The following ARHGEF18 variants were observed in gnomAD, a reference collection of about 807,000 sequenced individuals.
ARHGEF18 encodes the protein rho guanine nucleotide exchange factor 18.
Under a neutral mutation model 155.7 loss-of-function variants are expected in ARHGEF18, and 93 were observed. The ratio of observed to expected loss-of-function variants is 0.60; its 90% CI spans 0.50 to 0.71. The LOEUF (loss-of-function observed/expected upper bound fraction) is 0.71. ARHGEF18 is among the 30% of genes least tolerant of loss of function. The pLI, the probability that ARHGEF18 is intolerant of heterozygous loss-of-function variation, is 0.00. For synonymous variants in ARHGEF18, 742 were observed against 753.1 expected (o/e 0.99, Z 0.24); for missense variants, 1,593 against 1,816.1 (o/e 0.88, Z 2.23).
At chr19:7,446,667 G>T (rs1975009305) in intron 14 of ARHGEF18, among the ~76,000 whole-genome samples, 1 of 151,988 alleles carries the variant, frequency 6.6e-6, no homozygotes, top group Non-Finnish European at 1.5e-5. Context: ...CTTGACCCCG[G>T]GAGGTGGAGG....
chr19:7,357,297 G>A (rs1600170515), intron 1 of ARHGEF18, among the ~76,000 whole-genome samples: 1 of 152,310 alleles, frequency 6.6e-6, no homozygotes, highest in South Asian at 2.1e-4. Context: ...GATTACCAAA[G>A]TGTCTGCCTG....
chr19:7,451,248 A>T lies in ARHGEF18; in HGVS notation c.1837A>T (p.Ile613Phe), dbSNP rs1359117774. Residue 613 changes from isoleucine (I) to phenylalanine (F), a missense_variant, in exon 16 of 29, where the codon ATC becomes TTC. Physicochemically the swap from Ile to Phe is conservative, Grantham distance 21. Coordinates refer to ENST00000668164, the MANE Select transcript of ARHGEF18 (RefSeq NM_001367823.1). ...ITKYPVLVERIIQNTEAGTED... is the reference protein window; with the variant it reads ...ITKYPVLVERFIQNTEAGTED... Reference sequence around the variant, plus strand: ...CAAATACCCAGTGCTGGTGGAGCGCATCATCCAGAACACGGAAGGTAGGCC... The same window carrying T: ...CAAATACCCAGTGCTGGTGGAGCGCTTCATCCAGAACACGGAAGGTAGGCC... 4 of 1,613,320 alleles carry T rather than the reference A, an allele frequency of 2.5e-6. No homozygotes were observed. The highest frequency in any genetic ancestry group is 3.4e-6 in the Non-Finnish European group (4 of 1,179,920).
rs61068862 is a variant in ARHGEF18 at position 7,353,590 on chromosome 19, CAA to C, written c.-111+4360_-111+4361del. On this transcript the variant is annotated intron_variant, in intron 1 of 28. Coordinates refer to ENST00000668164, the MANE Select transcript of ARHGEF18 (RefSeq NM_001367823.1). ...CAGCAACAAAAGTGAAACTCCATCTCAAAAAAAAAAAAGAAAAAGAAAAGAAA... is the reference window on the plus strand; with the variant it reads ...CAGCAACAAAAGTGAAACTCCATCTCAAAAAAAAAAGAAAAAGAAAAGAAA... 6.2e-3 allele frequency among the ~76,000 whole-genome samples: 642 copies of C among 104,162 alleles called. 30 individuals are homozygous for C. In the East Asian group the frequency reaches 0.12, roughly 20 times the overall value. 68.3% of individuals were successfully genotyped at this position (104,162 alleles called of 152,430 possible).
intron 10 of ARHGEF18, among the ~76,000 whole-genome samples, chr19:7,423,262 G>A (rs1568320792): frequency 6.6e-6 from 1 of 152,116 alleles, no homozygotes; most frequent in Non-Finnish European, 1.5e-5. Flanking sequence ...TTCGGGTTGG[G>A]TGTGAGGGAG....
At chr19:7,477,211 A>T, downstream of ARHGEF18, 1 of 1,501,436 alleles carries the variant, frequency 6.7e-7, no homozygotes, top group South Asian at 1.3e-5. Context: ...GTCAGGGGGT[A>T]GTGGCCTCGG....
At chr19:7,384,179 C>T (rs188153730) in intron 10 of ARHGEF18, among the ~76,000 whole-genome samples, 2 of 152,232 alleles carry the variant, frequency 1.3e-5, no homozygotes, top group African/African-American at 4.8e-5. Flanking sequence ...CATTTGGGGC[C>T]AGGTGATTCT....
In ARHGEF18 at chr19:7,466,941, C is replaced by A. The variant is rs1300192787; in HGVS notation, c.2928C>A (p.Ser976=). The A allele has an allele frequency of 6.2e-7, 1 of 1,613,498 alleles. No homozygotes were observed. Among genetic ancestry groups the A allele is most frequent in the Non-Finnish European group, 8.5e-7 (1 of 1,179,994 alleles). ...PQVVEAPGTE[S]DPRLPTVLES... is the part of the protein sequence containing the mutation. The stretch of plus-strand genomic sequence containing the variant: ...AGGTGGAGGCGCCAGGCACGGAATC[C>A]GATCCCCGTCTGCCCACCGTCCTGG... The change falls in exon 24 of 29, where the codon TCC becomes TCA. Residue 976 remains serine (S), a synonymous_variant. Transcript: ENST00000668164.
In ARHGEF18 at chr19:7,471,081, G is replaced by A. The variant is rs752156061; in HGVS notation, c.*783G>A. On this transcript the variant is annotated 3_prime_UTR_variant, in exon 29 of 29. Transcript: ENST00000668164. The surrounding 1 kb of genome is among the most constrained non-coding windows in gnomAD (Gnocchi z 4.4). The stretch of plus-strand genomic sequence containing the variant: ...CAAGGGCAACCGTTGCTGTTCACAC[G>A]CTCAGCCTGTCTGGGGGAGCGGGCC... 39 of 343,104 alleles carry A rather than the reference G, an allele frequency of 1.1e-4. No homozygotes were observed. The South Asian group carries it at 1.2e-3, about 11-fold the overall frequency. 21.3% of individuals were successfully genotyped at this position (343,104 alleles called of 1,614,324 possible).
chr19:7,369,267 G>A (rs1970087291), intron 2 of ARHGEF18, among the ~76,000 whole-genome samples: 1 of 152,014 alleles, frequency 6.6e-6, no homozygotes, highest in Non-Finnish European at 1.5e-5. Flanking sequence ...TTTGAGACCA[G>A]CCTGGGCAAC....
At chr19:7,430,662 G>A (rs1175884516) in intron 10 of ARHGEF18, among the ~76,000 whole-genome samples, 4 of 151,930 alleles carry the variant, frequency 2.6e-5, no homozygotes, top group Non-Finnish European at 4.4e-5. Flanking sequence ...AAAATTAGCT[G>A]GGCATGGTGG....
At chr19:7,380,271 G>T (rs1464484841) in intron 7 of ARHGEF18, among the ~76,000 whole-genome samples, 1 of 151,868 alleles carries the variant, frequency 6.6e-6, no homozygotes, top group African/African-American at 2.4e-5. Context: ...GAGGTCAGGA[G>T]ATCGAGACCA....
chr19:7,357,293 C>T (rs1969346809), intron 1 of ARHGEF18, among the ~76,000 whole-genome samples: 2 of 152,172 alleles, frequency 1.3e-5, no homozygotes, highest in African/African-American at 4.8e-5. Context: ...CATGGATTAC[C>T]AAAGTGTCTG....
intron 10 of ARHGEF18, among the ~76,000 whole-genome samples, chr19:7,419,208 C>T (rs79526984): frequency 5.6e-5 from 6 of 106,686 alleles, no homozygotes; most frequent in Non-Finnish European, 9.9e-5. Context: ...CTCTGTACCC[C>T]GATGTACCCA....
rs1302340069 is a variant in ARHGEF18, at chr19:7,451,223, C to T, written c.1812C>T (p.Thr604=). 1 of 1,603,064 alleles carries T rather than the reference C, an allele frequency of 6.2e-7. No homozygotes were observed. Among genetic ancestry groups the T allele is most frequent in the East Asian group, 2.2e-5 (1 of 44,480 alleles). ...ECILLVTQRI[T]KYPVLVERII... is the part of the protein sequence containing the mutation. ...TTCTCCTGGTTACACAACGCATAAC[C>T]AAATACCCAGTGCTGGTGGAGCGCA... The change falls in exon 16 of 29, where the codon ACC becomes ACT. Residue 604 remains threonine, a synonymous_variant. Coordinates refer to ENST00000668164, the MANE Select transcript of ARHGEF18 (RefSeq NM_001367823.1).
At chr19:7,353,234 C>T (rs1969199605) in intron 1 of ARHGEF18, among the ~76,000 whole-genome samples, 1 of 151,984 alleles carries the variant, frequency 6.6e-6, no homozygotes, top group Admixed American at 6.6e-5. Context: ...TTTTGTCCAG[C>T]TTTTCTATTT....
intron 1 of ARHGEF18, chr19:7,355,782 G>C (rs540634185): frequency 1.1e-6 from 1 of 932,804 alleles, no homozygotes; most frequent in African/African-American, 1.8e-5. Context: ...ATCCCCCTTC[G>C]AGCTTTTTCT....
At chr19:7,380,245 A>G (rs1016622986) in intron 7 of ARHGEF18, among the ~76,000 whole-genome samples, 33 of 152,040 alleles carry the variant, frequency 2.2e-4, no homozygotes, top group Non-Finnish European at 3.5e-4. Flanking sequence ...TTGGGAGGCC[A>G]AGGCGGGCGG....
intron 2 of ARHGEF18, 89 bp downstream of exon 2, chr19:7,362,994 C>A: frequency 8.2e-7 from 1 of 1,218,546 alleles, no homozygotes; most frequent in Non-Finnish European, 1.0e-6. Context: ...TTACCAGGCA[C>A]TTTGTGTACA....
In ARHGEF18 at chr19:7,430,946, C is replaced by T. The variant is rs1180178509; in HGVS notation, c.968-9398C>T. ...CTTTGGGAGGCCAAGGCAAAAGCAT[C>T]ACTTGAGTCCAGGAGTTCGAGACCA... On this transcript the variant is annotated intron_variant, in intron 10 of 28. Transcript: ENST00000668164. 2.6e-5 allele frequency among the ~76,000 whole-genome samples: 4 copies of T among 152,246 alleles called. No homozygotes were observed. In the East Asian group the frequency reaches 7.7e-4, roughly 29 times the overall value.
Sources: gnomAD v4.1 joint callset for allele counts (sites outside exome capture counted in the v4.1 genomes callset) on GRCh38, gnomAD v4.1.1 for gene constraint, Gnocchi (gnomAD v3.1) non-coding constraint, MANE v1.5 for transcripts, NCBI Gene and HGNC (gene_info 2026-07-23, HGNC 2026-07-21) for gene names.